IQSEC1: variants seen among roughly 807,000 people sequenced by gnomAD.
IQSEC1 encodes the protein IQ motif and SEC7 domain-containing protein 1.
Under a neutral mutation model 91.0 loss-of-function variants are expected in IQSEC1, and 31 were observed. The ratio of observed to expected loss-of-function variants is 0.34; its 90% confidence interval spans 0.26 to 0.46. The LOEUF (loss-of-function observed/expected upper bound fraction) is 0.46, where lower values mean the gene tolerates loss of function less well. Among genes scored for constraint, IQSEC1 ranks in the 20% least tolerant of loss-of-function variants. The pLI, the probability that IQSEC1 is intolerant of heterozygous loss-of-function variation, is 1.00. For synonymous variants in IQSEC1, 699 were observed against 662.6 expected, an observed-to-expected ratio of 1.05 and a Z score of -0.84; for missense variants, 1,388 against 1,575.6, an observed-to-expected ratio of 0.88 and a Z score of 2.02.
chr3:13,028,109 TC>T (rs1703691442), intron 1 of IQSEC1, among the ~76,000 whole-genome samples: 1 of 152,124 alleles, frequency 6.6e-6, no homozygotes, highest in Non-Finnish European at 1.5e-5. Flanking sequence ...GGGCTGATAA[TC>T]CCAGACTGGA....
At chr3:13,065,219 G>A (rs550056152) in intron 1 of IQSEC1, among the ~76,000 whole-genome samples, 21 of 152,302 alleles carry the variant, frequency 1.4e-4, no homozygotes, top group Non-Finnish European at 2.5e-4. Context: ...ACAAAACAGT[G>A]GTGGGAAAAC....
At chr3:13,219,019 C>A (rs1419616719) in intron 1 of IQSEC1, among the ~76,000 whole-genome samples, 6 of 152,220 alleles carry the variant, frequency 3.9e-5, no homozygotes, top group Non-Finnish European at 8.8e-5. Flanking sequence ...CCACCCTGGT[C>A]CAGGCCAGCA....
intron 1 of IQSEC1, among the ~76,000 whole-genome samples, chr3:13,222,562 C>T (rs959807674): frequency 6.6e-6 from 1 of 152,158 alleles, no homozygotes. Flanking sequence ...TTTCCCACGG[C>T]GGCTGCACCA....
At chr3:13,276,133 G>GGC (rs1385924534) in intron 1 of IQSEC1, among the ~76,000 whole-genome samples, 96 of 116,586 alleles carry the variant, frequency 8.2e-4, no homozygotes, top group African/African-American at 2.9e-3. Context: ...CTGTCACTCA[G>GGC]GCTGGAGTGC....
At chr3:13,151,463 CCT>C (rs1180776082) in intron 2 of IQSEC1, among the ~76,000 whole-genome samples, 1 of 152,134 alleles carries the variant, frequency 6.6e-6, no homozygotes, top group East Asian at 1.9e-4. Flanking sequence ...CATTCCTAGC[CCT>C]GAGTCTCTCT....
intron 1 of IQSEC1, among the ~76,000 whole-genome samples, chr3:13,007,555 TC>T (rs944566198): frequency 1.2e-4 from 18 of 152,148 alleles, no homozygotes; most frequent in Admixed American, 6.5e-4. Flanking sequence ...TGCCTCAGTT[TC>T]CCCCCCTGCA....
chr3:13,022,094 C>A (rs767369291), intron 1 of IQSEC1: 23 of 1,231,748 alleles, frequency 1.9e-5, no homozygotes, highest in Non-Finnish European at 2.3e-5. Flanking sequence ...CTGCCATACC[C>A]CTTCATGCCT....
chr3:13,167,841 A>C (rs1693528000), intron 1 of IQSEC1, among the ~76,000 whole-genome samples: 1 of 152,182 alleles, frequency 6.6e-6, no homozygotes, highest in Admixed American at 6.5e-5. Context: ...GAAAACTGAA[A>C]TCTACCTTTC....
chr3:13,077,963 T>C (rs902365901), upstream of IQSEC1, among the ~76,000 whole-genome samples: 3 of 152,182 alleles, frequency 2.0e-5, no homozygotes, highest in African/African-American at 7.2e-5. Flanking sequence ...CTGGCATCGG[T>C]CCCCACTTGC....
chr3:13,219,044 G>A (rs1216392707), intron 1 of IQSEC1, among the ~76,000 whole-genome samples: 6 of 152,126 alleles, frequency 3.9e-5, no homozygotes, highest in Non-Finnish European at 8.8e-5. Flanking sequence ...CTTTCCCCTG[G>A]GCCACCATGT....
At chr3:12,919,087 CCCCGGGTGGATGTAGAGGAGG>C (rs776468668) in intron 6 of IQSEC1, among the ~76,000 whole-genome samples, 4 of 98,596 alleles carry the variant, frequency 4.1e-5, no homozygotes, top group Non-Finnish European at 6.1e-5. Context: ...GGATGAGAGG[CCCCGGGTGGATGTAGAGGAGG>C]CCCGGCCTCC....
chr3:12,940,417 A>G lies in IQSEC1; in HGVS notation c.318+1154T>C, dbSNP rs571928339. ...AACACAAACAAACAAAAACAACCCA[A>G]AAATTGTTTTTAAAGAAAAAGGATA... On this transcript the variant is annotated intron_variant, in intron 2 of 13. Coordinates refer to ENST00000613206, the MANE Select transcript of IQSEC1 (RefSeq NM_001134382.3). The surrounding 1 kb of genome is among the most constrained non-coding windows in gnomAD (Gnocchi z 4.4). 6.6e-6 allele frequency among the ~76,000 whole-genome samples: 1 copy of G among 152,080 alleles called. No homozygotes were observed. Among genetic ancestry groups the G allele is most frequent in the East Asian group, 1.9e-4 (1 of 5,174 alleles).
At chr3:13,236,876 T>C (rs1485576995) in intron 1 of IQSEC1, among the ~76,000 whole-genome samples, 1 of 151,930 alleles carries the variant, frequency 6.6e-6, no homozygotes, top group African/African-American at 2.4e-5. Context: ...TGGGAAGGGG[T>C]GTTTTTGGGG....
At chr3:13,174,058 A>G (rs1225632572) in intron 1 of IQSEC1, among the ~76,000 whole-genome samples, 1 of 152,114 alleles carries the variant, frequency 6.6e-6, no homozygotes, top group African/African-American at 2.4e-5. Flanking sequence ...ACAGAGTCTA[A>G]CTACACTCAC....
intron 1 of IQSEC1, among the ~76,000 whole-genome samples, chr3:13,241,107 CT>C (rs1365269319): frequency 6.6e-6 from 1 of 152,192 alleles, no homozygotes; most frequent in Non-Finnish European, 1.5e-5. Context: ...TTGTCAACGC[CT>C]CATGTCCACG....
At chr3:13,164,358 T>C (rs774212212) in intron 1 of IQSEC1, among the ~76,000 whole-genome samples, 1 of 152,210 alleles carries the variant, frequency 6.6e-6, no homozygotes, top group Non-Finnish European at 1.5e-5. Flanking sequence ...TTAGGGTTCC[T>C]TTCCCACCCT....
At chr3:12,905,010 G>C (rs944975236) in intron 12 of IQSEC1, among the ~76,000 whole-genome samples, 3 of 152,170 alleles carry the variant, frequency 2.0e-5, no homozygotes, top group Non-Finnish European at 4.4e-5. Context: ...AGAGATGCAG[G>C]GTGACCCCAG....
rs779711673 is a variant in IQSEC1 at position 12,897,339 on chromosome 3, CAA to C, written c.*3642_*3643del. 2 of 152,268 alleles carry C rather than the reference CAA, an allele frequency of 1.3e-5. No homozygotes were observed. The highest frequency in any genetic ancestry group is 4.8e-5 in the African/African-American group (2 of 41,472). 9.4% of individuals were successfully genotyped at this position (152,268 alleles called of 1,614,324 possible). A position where few individuals can be genotyped will look rare whatever the true frequency, so the allele number is the denominator to read the frequency against. On this transcript the variant is annotated 3_prime_UTR_variant, in exon 14 of 14. Coordinates refer to ENST00000613206, the MANE Select transcript of IQSEC1 (RefSeq NM_001134382.3). Reference sequence around the variant, plus strand: ...GAAAACAAACGCACTCCTTTCCTCTCAAAGGTACACAGTGGGGGTGCCAGGCT... The same window carrying C: ...GAAAACAAACGCACTCCTTTCCTCTCAGGTACACAGTGGGGGTGCCAGGCT...
Position 12,942,398 on chromosome 3 carries a change from T to C in IQSEC1, c.24-533A>G, listed in dbSNP as rs369034238. Among the ~76,000 whole-genome samples, 13 of 152,042 alleles carry C rather than the reference T, an allele frequency of 8.6e-5. 1 individual carries two copies. The highest frequency in any genetic ancestry group is 5.9e-4 in the Admixed American group (9 of 15,286). On this transcript the variant is annotated intron_variant, in intron 1 of 13. Coordinates refer to ENST00000613206, the MANE Select transcript of IQSEC1 (RefSeq NM_001134382.3). Reference sequence around the variant, plus strand: ...AGGGCGGATCACGAGGTCAGGAAATTGAGACCATCCTGGCTAACACGGCGA... The same window carrying C: ...AGGGCGGATCACGAGGTCAGGAAATCGAGACCATCCTGGCTAACACGGCGA...
Sources: gnomAD v4.1 joint callset for allele counts (sites outside exome capture counted in the v4.1 genomes callset) on GRCh38, gnomAD v4.1.1 for gene constraint, Gnocchi (gnomAD v3.1) non-coding constraint, MANE v1.5 for transcripts, NCBI Gene and HGNC (gene_info 2026-07-23, HGNC 2026-07-21) for gene names.